Variants in RNF10 observed in about 807,000 individuals in gnomAD.
RNF10 encodes the protein ring finger protein 10.
Under a neutral mutation model 91.4 loss-of-function variants are expected in RNF10, and 38 were observed. That is an observed-to-expected ratio of 0.42 (90% CI 0.32 to 0.54). The LOEUF (loss-of-function observed/expected upper bound fraction) is 0.54, where lower values mean the gene tolerates loss of function less well. Ranked by LOEUF, RNF10 falls within the 20% of genes least tolerant of loss-of-function variation. The pLI, the probability that RNF10 is intolerant of heterozygous loss-of-function variation, is 0.16. For synonymous variants in RNF10, 364 were observed against 366.3 expected (o/e 0.99, Z 0.07); for missense variants, 945 against 1,012.0 (o/e 0.93, Z 0.90).
rs201588245 is a variant in RNF10 at position 120,557,429 on chromosome 12, A to G, written c.793A>G (p.Ile265Val). 2.6e-5 allele frequency: 42 copies of G among 1,614,204 alleles called. 2 individuals carry two copies. In the East Asian group the frequency reaches 9.1e-4, roughly 35 times the overall value. ...TGAGAAGACGTGGAGTAAATGTCCC[A>G]TCTGTTACAGTTCTGTGCATAAGAA... ...LSEKTWSKCP[I>V]CYSSVHKKDL... The change falls in exon 5 of 17, where the codon ATC becomes GTC. Residue 265 changes from isoleucine (I) to valine (V), a missense_variant. Coordinates refer to ENST00000325954, the MANE Select transcript of RNF10 (RefSeq NM_014868.5).
chr12:120,554,768 A>G lies in RNF10; in HGVS notation c.605A>G (p.Asp202Gly), dbSNP rs1201041931. 6.2e-7 allele frequency: 1 copy of G among 1,614,158 alleles called. No individual in the cohort carries two copies. Among genetic ancestry groups the G allele is most frequent in the Non-Finnish European group, 8.5e-7 (1 of 1,180,000 alleles). ...EDQDYTAHFADPDTLVNWDFV... is the reference protein window; with the variant it reads ...EDQDYTAHFAGPDTLVNWDFV... ...CAAGACTACACAGCTCATTTTGCTG[A>G]TCCTGATACATTAGTTAACTGGGAC... The change falls in exon 4 of 17, where the codon GAT (aspartate) becomes GGT (glycine). Residue 202 changes from aspartate (D) to glycine (G), a missense_variant. Physicochemically the swap from Asp to Gly is moderately conservative, Grantham distance 94. Coordinates refer to ENST00000325954, the MANE Select transcript of RNF10 (RefSeq NM_014868.5).
chr12:120,560,912 A>G (rs1252860185), intron 7 of RNF10, 26 bp downstream of exon 7: 1 of 1,604,852 alleles, frequency 6.2e-7, no homozygotes, highest in Non-Finnish European at 8.5e-7. Context: ...GGAGATGCTA[A>G]ACCTTTTCAC....
intron 7 of RNF10, 147 bp from the exon 8 acceptor site, chr12:120,562,798 A>G: frequency 1.2e-6 from 1 of 845,770 alleles, no homozygotes; most frequent in South Asian, 1.6e-5. Flanking sequence ...CAAAGTTGAG[A>G]TATTTAAGCA....
At position 120,566,972 on chromosome 12, in the gene RNF10, C is replaced by G; in HGVS notation, c.2033C>G (p.Ser678Cys). The change falls in exon 13 of 17, where the codon TCC (serine) becomes TGC (cysteine). Residue 678 changes from serine (S) to cysteine (C), a missense_variant. Ser to Cys is a moderately radical substitution (Grantham distance 112). Transcript: ENST00000325954. The part of the protein sequence containing the change: ...SISPLSRSPG[S>C]HADFLLTPLS... Reference sequence around the variant, plus strand: ...TCTCCTCTCAGCAGAAGTCCAGGTTCCCATGCAGGTAAACAGGTGAAATTT... The same window carrying G: ...TCTCCTCTCAGCAGAAGTCCAGGTTGCCATGCAGGTAAACAGGTGAAATTT... 6.2e-7 allele frequency: 1 copy of G among 1,601,294 alleles called. No homozygotes were observed. Among genetic ancestry groups the G allele is most frequent in the Non-Finnish European group, 8.5e-7 (1 of 1,176,908 alleles).
Position 120,551,290 on chromosome 12 carries a change from GTTTTTT to G in RNF10, c.355-1192_355-1187del, listed in dbSNP as rs63002361. 6.2e-4 allele frequency among the ~76,000 whole-genome samples: 52 copies of G among 83,202 alleles called. No homozygotes were observed. The East Asian group carries it at 9.5e-3, about 15-fold the overall frequency. 54.6% of individuals were successfully genotyped at this position (83,202 alleles called of 152,430 possible). ...TGTGAGCCACTGCGCCCATCCTAGTGTTTTTTTTTTTTTTTTTTTTTTGAAATGGAG... is the reference window on the plus strand; with the variant it reads ...TGTGAGCCACTGCGCCCATCCTAGTGTTTTTTTTTTTTTTTTGAAATGGAG... On this transcript the variant is annotated intron_variant, in intron 2 of 16. Coordinates refer to ENST00000325954, the MANE Select transcript of RNF10 (RefSeq NM_014868.5).
At position 120,565,465 on chromosome 12, in the gene RNF10, G is replaced by A. The variant is rs138738342; in HGVS notation, c.1821G>A (p.Lys607=). 1.2e-5 allele frequency: 20 copies of A among 1,614,092 alleles called. No individual in the cohort carries two copies. In the African/African-American group the frequency reaches 2.4e-4, roughly 19 times the overall value. Residue 607 remains lysine (K), a synonymous_variant, in exon 12 of 17, where the codon AAG becomes AAA. Transcript: ENST00000325954. ...IEKRKRQRQK[K]AREERRRERR... Reference sequence around the variant, plus strand: ...AGAGGAAACGTCAGCGCCAAAAGAAGGCTCGGGAGGAACGCCGCCGAGAGC... The same window carrying A: ...AGAGGAAACGTCAGCGCCAAAAGAAAGCTCGGGAGGAACGCCGCCGAGAGC...
intron 1 of RNF10, among the ~76,000 whole-genome samples, chr12:120,543,508 A>T (rs906014610): frequency 2.6e-5 from 4 of 152,156 alleles, no homozygotes; most frequent in African/African-American, 7.2e-5. Context: ...GCACAAAAAA[A>T]TTTAAAAATT....
At chr12:120,560,956 C>T in intron 7 of RNF10, 70 bp downstream of exon 7, 1 of 1,504,568 alleles carries the variant, frequency 6.6e-7, no homozygotes, top group East Asian at 2.3e-5. Flanking sequence ...ACCAGAAATG[C>T]TAAACCTTTT....
intron 4 of RNF10, 110 bp from the exon 5 acceptor site, chr12:120,557,172 C>T (rs1339966288): frequency 1.7e-5 from 15 of 883,060 alleles, no homozygotes; most frequent in East Asian, 1.2e-4. Flanking sequence ...TAAGGATGTA[C>T]GGGGATAGAG....
intron 12 of RNF10, among the ~76,000 whole-genome samples, chr12:120,566,562 G>C (rs890683144): frequency 3.2e-4 from 48 of 152,118 alleles, no homozygotes; most frequent in African/African-American, 1.1e-3. Flanking sequence ...AGGAGTTCAA[G>C]ACCAGGCTGG....
At chr12:120,553,037 G>A (rs1873358068) in intron 3 of RNF10, among the ~76,000 whole-genome samples, 1 of 127,466 alleles carries the variant, frequency 7.8e-6, no homozygotes, top group Non-Finnish European at 1.6e-5. Flanking sequence ...GAAGAGGAAA[G>A]GTTTTTTTTT....
chr12:120,572,839 G>A (rs1000770465), intron 14 of RNF10, among the ~76,000 whole-genome samples: 7 of 149,664 alleles, frequency 4.7e-5, no homozygotes, highest in East Asian at 2.0e-4. Context: ...GACCTCAGGC[G>A]ATCCACCTGC....
At chr12:120,558,151 TA>T (rs1291824050) in intron 6 of RNF10, among the ~76,000 whole-genome samples, 1 of 152,166 alleles carries the variant, frequency 6.6e-6, no homozygotes, top group East Asian at 1.9e-4. Context: ...GATTTCTCAA[TA>T]AATGGTATTG....
Position 120,563,037 on chromosome 12 carries a change from C to G in RNF10, c.1221C>G (p.Pro407=). The G allele has an allele frequency of 1.9e-6, 3 of 1,614,052 alleles. No individual in the cohort carries two copies. Among genetic ancestry groups the G allele is most frequent in the South Asian group, 2.2e-5 (2 of 91,062 alleles). ...TGGAACAACTGGTGCTGATGGCTCC[C>G]TTGGCGAAGGAGTCTGTTTTTCAAC... ...AALEQLVLMA[P]LAKESVFQPR... Residue 407 remains proline, a synonymous_variant, in exon 8 of 17, where the codon CCC becomes CCG. Transcript: ENST00000325954.
intron 4 of RNF10, among the ~76,000 whole-genome samples, chr12:120,555,932 G>GCACC (rs1873930272): frequency 6.6e-6 from 1 of 151,946 alleles, no homozygotes; most frequent in Non-Finnish European, 1.5e-5. Flanking sequence ...GGGATTACAG[G>GCACC]CGTGCACCAC....
chr12:120,538,035 C>T (rs190528699), intron 1 of RNF10, among the ~76,000 whole-genome samples: 105 of 152,302 alleles, frequency 6.9e-4, no homozygotes, highest in Non-Finnish European at 1.6e-4. Flanking sequence ...AGGGTACACT[C>T]AAGCTCCGCA....
intron 12 of RNF10, among the ~76,000 whole-genome samples, chr12:120,566,071 G>A (rs1875645715): frequency 6.6e-6 from 1 of 152,208 alleles, no homozygotes; most frequent in Non-Finnish European, 1.5e-5. Context: ...TAGAACACAA[G>A]GAACTGAGTC....
intron 4 of RNF10, among the ~76,000 whole-genome samples, chr12:120,555,934 G>A (rs1464071093): frequency 4.6e-5 from 7 of 151,814 alleles, no homozygotes; most frequent in Admixed American, 3.3e-4. Context: ...GATTACAGGC[G>A]TGCACCACTA....
At chr12:120,575,724 T>C (rs1565975970) in intron 15 of RNF10, 36 bp downstream of exon 15, 2 of 1,614,138 alleles carry the variant, frequency 1.2e-6, no homozygotes, top group Admixed American at 1.7e-5. Context: ...GGAGTTTGGC[T>C]TCTTTCCATA....
Sources: allele counts gnomAD v4.1 joint callset (sites outside exome capture counted in the v4.1 genomes callset), GRCh38; gene constraint gnomAD v4.1.1; transcripts MANE v1.5; gene names NCBI Gene and HGNC (gene_info 2026-07-23, HGNC 2026-07-21).